The following GALNT6 variants were observed in gnomAD, a reference collection of about 807,000 sequenced individuals.
GALNT6 encodes the protein polypeptide N-acetylgalactosaminyltransferase 6.
GALNT6 carries 51 observed loss-of-function variants against 65.9 expected under a neutral mutation model. The observed-to-expected ratio is 0.77, with a 90% CI of 0.62 to 0.98. The LOEUF (loss-of-function observed/expected upper bound fraction) is 0.98, where lower values mean the gene tolerates loss of function less well. Ranked by LOEUF, GALNT6 falls within the 50% of genes least tolerant of loss-of-function variation. The pLI, the probability that GALNT6 is intolerant of heterozygous loss-of-function variation, is 0.00. For synonymous variants in GALNT6, 323 were observed against 315.1 expected, an observed-to-expected ratio of 1.02 and a Z score of -0.26; for missense variants, 708 against 803.3, an observed-to-expected ratio of 0.88 and a Z score of 1.43.
At chr12:51,386,636 C>A (rs755250624) in intron 2 of GALNT6, among the ~76,000 whole-genome samples, 32 of 152,116 alleles carry the variant, frequency 2.1e-4, no homozygotes, top group Non-Finnish European at 4.4e-4. Context: ...GAGGAGGGCT[C>A]AATTACAAGT....
chr12:51,359,169 T>C lies in GALNT6; in HGVS notation c.1331A>G (p.Tyr444Cys), dbSNP rs749254775. ...VWMDSYKKIF[Y>C]RRNLQAAKMA... ...CTTTGCTGCCTGCAGATTTCTCCTATAGAAAATCTTCTTGTAGCTGTCCAT... is the reference window on the plus strand; with the variant it reads ...CTTTGCTGCCTGCAGATTTCTCCTACAGAAAATCTTCTTGTAGCTGTCCAT... The change falls in exon 8 of 12, where the codon TAT (tyrosine) becomes TGT (cysteine). Residue 444 changes from tyrosine (Y) to cysteine (C), a missense_variant. Transcript: ENST00000356317. 5 of 1,614,140 alleles carry C rather than the reference T, an allele frequency of 3.1e-6. No homozygotes were observed. The highest frequency in any genetic ancestry group is 4.2e-6 in the Non-Finnish European group (5 of 1,179,964).
chr12:51,378,531 C>G lies in GALNT6; in HGVS notation c.491+760G>C, dbSNP rs554313328. On this transcript the variant is annotated intron_variant, in intron 3 of 11. Coordinates refer to ENST00000356317, the MANE Select transcript of GALNT6 (RefSeq NM_007210.4). ...TGTTCTAGGGCTATCATACTTGGCTCAAGTCTCAAGAACCTCAGGTTCACA... is the reference window on the plus strand; with the variant it reads ...TGTTCTAGGGCTATCATACTTGGCTGAAGTCTCAAGAACCTCAGGTTCACA... Among the ~76,000 whole-genome samples, 3 of 152,262 alleles carry G rather than the reference C, an allele frequency of 2.0e-5. No individual in the cohort carries two copies. The South Asian group carries it at 6.2e-4, about 32-fold the overall frequency.
chr12:51,379,895 A>G lies in GALNT6; in HGVS notation c.-103-11T>C. The G allele has an allele frequency of 6.3e-6, 7 of 1,106,384 alleles. No individual in the cohort carries two copies. The highest frequency in any genetic ancestry group is 8.8e-6 in the Non-Finnish European group (7 of 796,240). The allele number at this position is 1,106,384 out of a possible 1,614,324, so 68.5% of individuals were successfully genotyped here. On this transcript the variant is annotated splice_polypyrimidine_tract_variant and intron_variant, in intron 2 of 11. Transcript: ENST00000356317. Reference sequence around the variant, plus strand: ...AGCTGGGGCCTCAGCCTGAGAAAGGAGGGGACAAGAGAGAGAAGTGAGCCA... The same window carrying G: ...AGCTGGGGCCTCAGCCTGAGAAAGGGGGGGACAAGAGAGAGAAGTGAGCCA...
Position 51,379,484 on chromosome 12 carries a change from T to G in GALNT6, c.298A>C (p.Lys100Gln). 1 of 1,614,122 alleles carries G rather than the reference T, an allele frequency of 6.2e-7. No homozygotes were observed. The highest frequency in any genetic ancestry group is 8.5e-7 in the Non-Finnish European group (1 of 1,179,972). ...LPGFYTPAEL[K>Q]PFWERPPQDP... Reference sequence around the variant, plus strand: ...TGTGGTGGCCGTTCCCAGAAGGGCTTCAGTTCAGCTGGGGTATAGAACCCA... The same window carrying G: ...TGTGGTGGCCGTTCCCAGAAGGGCTGCAGTTCAGCTGGGGTATAGAACCCA... Residue 100 changes from lysine to glutamine, a missense_variant, in exon 3 of 12, where the codon AAG (lysine) becomes CAG (glutamine). Transcript: ENST00000356317.
chr12:51,378,315 G>A (rs928580622), intron 3 of GALNT6, among the ~76,000 whole-genome samples: 1 of 152,128 alleles, frequency 6.6e-6, no homozygotes, highest in South Asian at 2.1e-4. Context: ...CTACCATGCC[G>A]GGCTAATTTT....
At chr12:51,356,043 G>T (rs1946734654) in intron 10 of GALNT6, 85 bp from the exon 11 acceptor site, 1 of 1,248,192 alleles carries the variant, frequency 8.0e-7, no homozygotes, top group Non-Finnish European at 1.2e-6. Context: ...ACCATGCATG[G>T]TCTCCTGGGG....
chr12:51,385,184 T>A (rs1192501899), intron 2 of GALNT6, among the ~76,000 whole-genome samples: 1 of 152,124 alleles, frequency 6.6e-6, no homozygotes, highest in Non-Finnish European at 1.5e-5. Flanking sequence ...GATGGGGGTC[T>A]CACTATGCTG....
At chr12:51,370,026 C>T (rs1447514719) in intron 4 of GALNT6, among the ~76,000 whole-genome samples, 4 of 152,108 alleles carry the variant, frequency 2.6e-5, no homozygotes, top group Non-Finnish European at 5.9e-5. Flanking sequence ...TATGATGGTT[C>T]CTTAAAAAAA....
chr12:51,360,529 C>G (rs972507740), intron 7 of GALNT6, among the ~76,000 whole-genome samples, 192 bp downstream of exon 7: 4 of 152,098 alleles, frequency 2.6e-5, no homozygotes, highest in African/African-American at 9.7e-5. Context: ...TTGAGCTGTC[C>G]AGGCTGACTG....
rs188013349 is a variant in GALNT6, at chr12:51,370,475, C to T, written c.665-4896G>A. On this transcript the variant is annotated intron_variant, in intron 4 of 11. Transcript: ENST00000356317. The stretch of plus-strand genomic sequence containing the variant: ...ACTTGAACCCAGGAGGTGGAGGTTG[C>T]GGTGAGCCAAGATTGCGCCAATGGG... 3.3e-3 allele frequency among the ~76,000 whole-genome samples: 505 copies of T among 152,266 alleles called. 4 individuals carry two copies. Among genetic ancestry groups the T allele is most frequent in the Middle Eastern group, 0.027 (8 of 294 alleles).
rs779046131 is a variant in GALNT6, at chr12:51,379,311, C to A, written c.471G>T (p.Gly157=). The A allele has an allele frequency of 1.3e-6, 2 of 1,523,516 alleles. No individual in the cohort carries two copies. The allele number at this position is 1,523,516 out of a possible 1,614,324, so 94.4% of individuals were successfully genotyped here. ...CTTACTCAGGTGGTCGGGTGTCTGG[C>A]CCCAGGGACCTCTGCAGGGAGATCC... ...SDRISLQRSL[G]PDTRPPECVD... is the part of the protein sequence containing the mutation. The change falls in exon 3 of 12, where the codon GGG becomes GGT. Residue 157 remains glycine (G), a synonymous_variant. Coordinates refer to ENST00000356317, the MANE Select transcript of GALNT6 (RefSeq NM_007210.4).
intron 6 of GALNT6, among the ~76,000 whole-genome samples, chr12:51,362,376 A>G (rs1401310790): frequency 2.6e-5 from 4 of 152,120 alleles, no homozygotes; most frequent in African/African-American, 9.7e-5. Flanking sequence ...CTCTCCTCTT[A>G]GGCTCTGGTT....
chr12:51,357,051 T>C (rs546280085), intron 10 of GALNT6, among the ~76,000 whole-genome samples: 2 of 152,172 alleles, frequency 1.3e-5, no homozygotes, highest in Non-Finnish European at 2.9e-5. Flanking sequence ...TGATGGGATG[T>C]GCTGGAAAAT....
At chr12:51,385,296 T>C (rs1947797300) in intron 2 of GALNT6, among the ~76,000 whole-genome samples, 1 of 152,224 alleles carries the variant, frequency 6.6e-6, no homozygotes, top group African/African-American at 2.4e-5. Context: ...GCCTGAAAAG[T>C]AAACTTTTAT....
chr12:51,389,064 GACACAGAGACAGGC>G (rs1410508989), intron 2 of GALNT6, among the ~76,000 whole-genome samples: 5 of 152,150 alleles, frequency 3.3e-5, no homozygotes, highest in Non-Finnish European at 5.9e-5. Flanking sequence ...CATTGAGCTC[GACACAGAGACAGGC>G]ACTGCCCTGC....
chr12:51,378,485 T>G (rs908944599), intron 3 of GALNT6, among the ~76,000 whole-genome samples: 6 of 152,154 alleles, frequency 3.9e-5, no homozygotes, highest in African/African-American at 1.4e-4. Flanking sequence ...GAGGAATTCC[T>G]GATAGCTTCA....
chr12:51,372,211 GTTTTGT>G (rs1323230279), intron 4 of GALNT6, among the ~76,000 whole-genome samples: 3 of 152,066 alleles, frequency 2.0e-5, no homozygotes, highest in African/African-American at 7.2e-5. Flanking sequence ...GCAGGTGATT[GTTTTGT>G]TTTTGTTTTT....
intron 11 of GALNT6, among the ~76,000 whole-genome samples, chr12:51,355,486 C>T (rs1162846525): frequency 6.6e-6 from 1 of 151,774 alleles, no homozygotes; most frequent in African/African-American, 2.4e-5. Context: ...TTTATTTTTC[C>T]CAAGATGGAG....
At chr12:51,366,406 G>T (rs1170239840) in intron 4 of GALNT6, among the ~76,000 whole-genome samples, 1 of 152,206 alleles carries the variant, frequency 6.6e-6, no homozygotes. Context: ...GTGACTCCTT[G>T]CTTGCTGGAT....
Sources: gnomAD v4.1 joint callset for allele counts (sites outside exome capture counted in the v4.1 genomes callset) on GRCh38, gnomAD v4.1.1 for gene constraint, MANE v1.5 for transcripts, NCBI Gene and HGNC (gene_info 2026-07-23, HGNC 2026-07-21) for gene names.